The following LRRC4C variants were observed in gnomAD, a reference collection of about 807,000 sequenced individuals.
LRRC4C encodes the protein leucine rich repeat containing 4C.
Under a neutral mutation model 33.6 loss-of-function variants are expected in LRRC4C, and 5 were observed. That is an observed-to-expected ratio of 0.15 (90% confidence interval 0.08 to 0.31). The LOEUF (loss-of-function observed/expected upper bound fraction) is 0.31, where lower values mean the gene tolerates loss of function less well. Among genes scored for constraint, LRRC4C ranks in the 10% least tolerant of loss-of-function variants. LRRC4C has a pLI of 1.00. For synonymous variants in LRRC4C, 329 were observed against 302.0 expected (o/e 1.09, Z -0.93); for missense variants, 560 against 796.7 (o/e 0.70, Z 3.58).
chr11:40,375,440 A>G (rs1948620235), intron 3 of LRRC4C, among the ~76,000 whole-genome samples: 1 of 152,186 alleles, frequency 6.6e-6, no homozygotes, highest in Admixed American at 6.6e-5. Flanking sequence ...CTTGGATGCC[A>G]TAAATACAGA....
chr11:40,727,953 T>C (rs1480324516), intron 2 of LRRC4C, among the ~76,000 whole-genome samples: 1 of 151,868 alleles, frequency 6.6e-6, no homozygotes, highest in African/African-American at 2.4e-5. Context: ...TGAGGCAGGA[T>C]AATCGCTTGA....
intron 1 of LRRC4C, among the ~76,000 whole-genome samples, chr11:41,244,194 G>A (rs79236412): frequency 1.1e-4 from 17 of 149,166 alleles, no homozygotes; most frequent in African/African-American, 4.0e-4. Flanking sequence ...TCTATCTATC[G>A]ATCGTAAAAA....
chr11:40,633,353 CTTTCTTTCTTTCTTTCTT>C (rs1217862491), intron 3 of LRRC4C, among the ~76,000 whole-genome samples: 2 of 39,394 alleles, frequency 5.1e-5, no homozygotes, highest in Non-Finnish European at 9.3e-5. Context: ...TTCTTTCTTT[CTTTCTTTCTTTCTTTCTT>C]TCTCTCTCTT....
At chr11:41,156,161 A>G (rs749091467) in intron 1 of LRRC4C, among the ~76,000 whole-genome samples, 1 of 152,098 alleles carries the variant, frequency 6.6e-6, no homozygotes, top group Non-Finnish European at 1.5e-5. Flanking sequence ...AAGGAACAGG[A>G]GCACACAAGT....
At chr11:41,365,469 C>T (rs936580208) in intron 1 of LRRC4C, among the ~76,000 whole-genome samples, 8 of 151,982 alleles carry the variant, frequency 5.3e-5, no homozygotes, top group African/African-American at 1.9e-4. Flanking sequence ...ACATCCCCAC[C>T]CCTAGTCCAT....
At chr11:41,408,640 T>C (rs1954332000) in intron 1 of LRRC4C, among the ~76,000 whole-genome samples, 1 of 151,996 alleles carries the variant, frequency 6.6e-6, no homozygotes, top group African/African-American at 2.4e-5. Context: ...ATGATTGCTT[T>C]TACAATGATG....
chr11:40,428,330 C>A (rs111897042), intron 3 of LRRC4C, among the ~76,000 whole-genome samples: 6 of 152,224 alleles, frequency 3.9e-5, no homozygotes, highest in African/African-American at 1.4e-4. Context: ...GATTTTATAA[C>A]TTTGCTAAAG....
At chr11:40,850,732 C>T (rs569173803) in intron 2 of LRRC4C, among the ~76,000 whole-genome samples, 10 of 152,298 alleles carry the variant, frequency 6.6e-5, no homozygotes, top group East Asian at 3.9e-4. Context: ...TACCCACAGC[C>T]GCCCCTTCCC....
intron 4 of LRRC4C, among the ~76,000 whole-genome samples, chr11:40,309,735 G>A (rs1325594735): frequency 6.6e-6 from 1 of 152,092 alleles, no homozygotes; most frequent in African/African-American, 2.4e-5. Context: ...TCAAACTCCT[G>A]AGCTTAAGCG....
chr11:40,800,715 A>T (rs1951007181), intron 2 of LRRC4C, among the ~76,000 whole-genome samples: 1 of 152,126 alleles, frequency 6.6e-6, no homozygotes, highest in African/African-American at 2.4e-5. Flanking sequence ...ATGCCACTCT[A>T]TTTTAATACA....
At chr11:40,907,466 G>A (rs1956474208) in intron 2 of LRRC4C, among the ~76,000 whole-genome samples, 2 of 152,188 alleles carry the variant, frequency 1.3e-5, no homozygotes, top group Non-Finnish European at 2.9e-5. Context: ...GGAGTTCATA[G>A]GTTCTTTAAT....
At chr11:40,531,438 C>A (rs1392453971) in intron 3 of LRRC4C, among the ~76,000 whole-genome samples, 1 of 151,906 alleles carries the variant, frequency 6.6e-6, no homozygotes, top group African/African-American at 2.4e-5. Context: ...TGGTAGGCAG[C>A]ATAATCTGTC....
chr11:40,880,274 A>T (rs559822263), intron 2 of LRRC4C, among the ~76,000 whole-genome samples: 2 of 152,256 alleles, frequency 1.3e-5, no homozygotes, highest in South Asian at 4.2e-4. Context: ...CTAGGATTCA[A>T]TTTCACAGAA....
At chr11:40,977,417 A>G (rs1214580898) in intron 1 of LRRC4C, among the ~76,000 whole-genome samples, 1 of 152,154 alleles carries the variant, frequency 6.6e-6, no homozygotes, top group Non-Finnish European at 1.5e-5. Flanking sequence ...TAGGATGTCC[A>G]CTAAAAGATT....
In LRRC4C at chr11:40,115,288, A is replaced by G; in HGVS notation, c.1005T>C (p.Asn335=). The change falls in exon 7 of 7, where the codon AAT becomes AAC. Residue 335 remains asparagine, a synonymous_variant. Coordinates refer to ENST00000528697, the MANE Select transcript of LRRC4C (RefSeq NM_001258419.2). This position sits in a 1 kb window ranked among gnomAD's most constrained non-coding sequence, Gnocchi z 6.7. ...GCTCTCCAATGTACCTCCCCTTTAG[A>G]TTGGGAGGAGTGTTACACCGGGCAC... is the stretch of plus-strand genomic sequence containing the variant. The part of the protein sequence containing the change: ...ACCARCNTPP[N]LKGRYIGELD... The G allele has an allele frequency of 6.2e-7, 1 of 1,614,068 alleles. No individual in the cohort carries two copies.
intron 1 of LRRC4C, among the ~76,000 whole-genome samples, chr11:41,403,022 C>A (rs910653393): frequency 2.6e-5 from 4 of 152,026 alleles, no homozygotes; most frequent in African/African-American, 9.7e-5. Flanking sequence ...TAGTGTTCAA[C>A]AGCAAAGAAC....
intron 1 of LRRC4C, among the ~76,000 whole-genome samples, chr11:41,170,211 A>G (rs566555961): frequency 9.8e-5 from 15 of 152,292 alleles, no homozygotes; most frequent in South Asian, 2.1e-4. Flanking sequence ...TGCCATCCCC[A>G]TCAAGCTACC....
chr11:40,793,214 T>A (rs1426968446), intron 2 of LRRC4C, among the ~76,000 whole-genome samples: 1 of 152,050 alleles, frequency 6.6e-6, no homozygotes, highest in Non-Finnish European at 1.5e-5. Flanking sequence ...CTTGAGAAAA[T>A]TATTTCTCAA....
At position 40,402,485 on chromosome 11, in the gene LRRC4C, C is replaced by A. The variant is rs185817366; in HGVS notation, c.-269-82764G>T. On this transcript the variant is annotated intron_variant, in intron 3 of 6. Transcript: ENST00000528697. ...GACAAAATGGAATGAGATTTCATAT[C>A]CCTGACCCAGTTCAATTCTCCAGCT... is the stretch of plus-strand genomic sequence containing the variant. Among the ~76,000 whole-genome samples the A allele has an allele frequency of 5.9e-5, 9 of 152,192 alleles. No homozygotes were observed. In the East Asian group the frequency reaches 1.5e-3, roughly 26 times the overall value.
Sources: allele counts gnomAD v4.1 joint callset (sites outside exome capture counted in the v4.1 genomes callset), GRCh38; gene constraint gnomAD v4.1.1; non-coding constraint Gnocchi (gnomAD v3.1); transcripts MANE v1.5; gene names NCBI Gene and HGNC (gene_info 2026-07-23, HGNC 2026-07-21).